ADAMTSL1: variants seen among roughly 807,000 people sequenced by gnomAD.
ADAMTSL1 encodes the protein ADAMTS-like protein 1.
Under a neutral mutation model 201.8 loss-of-function variants are expected in ADAMTSL1, and 126 were observed. The observed-to-expected ratio is 0.62, with a 90% CI of 0.54 to 0.72. ADAMTSL1 has a LOEUF of 0.72. Among genes scored for constraint, ADAMTSL1 ranks in the 30% least tolerant of loss-of-function variants. ADAMTSL1 has a pLI of 0.00. For missense variants in ADAMTSL1, 2,679 were observed against 2,277.8 expected (o/e 1.18, Z -3.59); for synonymous variants, 1,121 against 903.4 (o/e 1.24, Z -4.32).
At chr9:18,356,792 A>G (rs1245528037) in intron 2 of ADAMTSL1, among the ~76,000 whole-genome samples, 1 of 152,140 alleles carries the variant, frequency 6.6e-6, no homozygotes, top group East Asian at 1.9e-4. Context: ...TTTAGAACAA[A>G]CTGCTGACTA....
chr9:18,215,152 A>G (rs1361311020), intron 2 of ADAMTSL1, among the ~76,000 whole-genome samples: 1 of 152,192 alleles, frequency 6.6e-6, no homozygotes, highest in Non-Finnish European at 1.5e-5. Context: ...TTTATCATTT[A>G]TGATTATGTT....
chr9:18,412,709 A>C (rs1818498153), intron 2 of ADAMTSL1, among the ~76,000 whole-genome samples: 1 of 152,156 alleles, frequency 6.6e-6, no homozygotes, highest in Non-Finnish European at 1.5e-5. Flanking sequence ...AAGTTATCCC[A>C]TATTAGGCCA....
At chr9:18,812,804 T>C (rs1180931591) in intron 20 of ADAMTSL1, among the ~76,000 whole-genome samples, 9 of 152,168 alleles carry the variant, frequency 5.9e-5, no homozygotes, top group African/African-American at 2.2e-4. Context: ...TTGGCACTTT[T>C]GTTGAAAATG....
At chr9:18,120,323 A>G (rs922819096) in intron 1 of ADAMTSL1, among the ~76,000 whole-genome samples, 1 of 152,232 alleles carries the variant, frequency 6.6e-6, no homozygotes, top group Non-Finnish European at 1.5e-5. Flanking sequence ...TGGAAGCTGT[A>G]GTGTCTTTTA....
chr9:18,213,803 G>A (rs1335342135), intron 2 of ADAMTSL1, among the ~76,000 whole-genome samples: 1 of 152,052 alleles, frequency 6.6e-6, no homozygotes, highest in Admixed American at 6.5e-5. Flanking sequence ...GCAGTGGTGC[G>A]ATCTCGGTTC....
rs187286635 is a variant in ADAMTSL1 at position 18,124,886 on chromosome 9, A to G, written c.88-38976A>G. 8.5e-3 allele frequency among the ~76,000 whole-genome samples: 1,296 copies of G among 152,258 alleles called. 9 individuals are homozygous for G. The highest frequency in any genetic ancestry group is 0.011 in the Non-Finnish European group (763 of 68,020). On this transcript the variant is annotated intron_variant, in intron 1 of 29. Coordinates refer to the ADAMTSL1 transcript ENST00000680146. ...TGTTAAGGAAAATTCTTAGTGTCCA[A>G]TGCCAGAAAATACTGTTGAGGGTAA...
At chr9:17,917,963 T>A (rs34796531) in intron 1 of ADAMTSL1, among the ~76,000 whole-genome samples, 2 of 151,888 alleles carry the variant, frequency 1.3e-5, no homozygotes, top group African/African-American at 4.8e-5. Flanking sequence ...AAGTAGTTCA[T>A]AGTGCTCCTT....
At chr9:18,733,576 A>T (rs1049430723) in intron 15 of ADAMTSL1, among the ~76,000 whole-genome samples, 2 of 152,128 alleles carry the variant, frequency 1.3e-5, no homozygotes, top group African/African-American at 4.8e-5. Context: ...CCACTGGCTT[A>T]GCTTATGCTT....
chr9:18,509,190 CAAAAAAAAAAAAAAAAAAAAAA>C lies in ADAMTSL1; in HGVS notation c.191+4255_191+4276del, dbSNP rs57922962. Among the ~76,000 whole-genome samples, 21 of 20,464 alleles carry C rather than the reference CAAAAAAAAAAAAAAAAAAAAAA, an allele frequency of 1.0e-3. No homozygotes were observed. In the East Asian group the frequency reaches 0.014, roughly 13 times the overall value. 13.4% of individuals were successfully genotyped at this position (20,464 alleles called of 152,430 possible). On this transcript the variant is annotated intron_variant, in intron 2 of 28. Coordinates refer to ENST00000380548, the MANE Select transcript of ADAMTSL1 (RefSeq NM_001040272.6). ...TGGGCGACAGAGCGAGACTCCGTCT[CAAAAAAAAAAAAAAAAAAAAAA>C]AAAAAAAAAAAAAAAAAAAAGAAAT...
chr9:18,036,766 G>A (rs1369509382), intron 1 of ADAMTSL1, among the ~76,000 whole-genome samples: 1 of 152,096 alleles, frequency 6.6e-6, no homozygotes, highest in East Asian at 1.9e-4. Flanking sequence ...TCAGTATATA[G>A]GCCAAAGTTC....
intron 14 of ADAMTSL1, among the ~76,000 whole-genome samples, chr9:18,710,841 T>C (rs544763723): frequency 2.0e-5 from 3 of 152,186 alleles, no homozygotes; most frequent in East Asian, 1.9e-4. Context: ...CAAAGCAACA[T>C]GGCATTGTTA....
At chr9:18,652,242 G>A (rs1828326323) in intron 7 of ADAMTSL1, among the ~76,000 whole-genome samples, 1 of 151,668 alleles carries the variant, frequency 6.6e-6, no homozygotes, top group Non-Finnish European at 1.5e-5. Context: ...CGTGGTGGCA[G>A]GCATCTGTGA....
intron 7 of ADAMTSL1, 153 bp from the exon 8 acceptor site, chr9:18,657,486 A>C (rs1484508748): frequency 3.3e-6 from 2 of 605,504 alleles, no homozygotes; most frequent in African/African-American, 3.7e-5. Context: ...AAATGGTAGG[A>C]TACATGATAC....
At chr9:18,469,371 T>TA (rs1458628040), upstream of ADAMTSL1, among the ~76,000 whole-genome samples, 1 of 152,224 alleles carries the variant, frequency 6.6e-6, no homozygotes, top group Non-Finnish European at 1.5e-5. Flanking sequence ...TGTTCTCTGT[T>TA]AAAGGGGGTA....
At chr9:18,288,889 C>G (rs2132667577) in intron 2 of ADAMTSL1, among the ~76,000 whole-genome samples, 1 of 152,274 alleles carries the variant, frequency 6.6e-6, no homozygotes, top group African/African-American at 2.4e-5. Context: ...CTATAGAAGA[C>G]AGTGTTTAAG....
intron 1 of ADAMTSL1, among the ~76,000 whole-genome samples, chr9:18,022,483 A>G (rs1227225582): frequency 6.6e-6 from 1 of 152,134 alleles, no homozygotes; most frequent in Non-Finnish European, 1.5e-5. Context: ...TAAATCCTGC[A>G]ATAATTCTTG....
chr9:18,111,210 C>G (rs1258307350), intron 1 of ADAMTSL1, among the ~76,000 whole-genome samples: 3 of 152,198 alleles, frequency 2.0e-5, no homozygotes, highest in African/African-American at 7.2e-5. Context: ...TCTTCCCAAT[C>G]ATCATAATGA....
At chr9:18,164,015 A>G (rs1827523995) in intron 2 of ADAMTSL1, 2 of 152,024 alleles carry the variant, frequency 1.3e-5, no homozygotes, top group Admixed American at 1.3e-4. Flanking sequence ...ATTCACAGAA[A>G]ACACTGAGGT....
intron 2 of ADAMTSL1, among the ~76,000 whole-genome samples, chr9:18,201,485 G>C (rs1045295210): frequency 2.0e-5 from 3 of 151,864 alleles, no homozygotes; most frequent in Non-Finnish European, 4.4e-5. Flanking sequence ...ATATATTCTT[G>C]GAAAGTTCCT....
Sources: gnomAD v4.1 joint callset for allele counts (sites outside exome capture counted in the v4.1 genomes callset) on GRCh38, gnomAD v4.1.1 for gene constraint, MANE v1.5 for transcripts, NCBI Gene and HGNC (gene_info 2026-07-23, HGNC 2026-07-21) for gene names.